PLXNA4: variants seen among roughly 807,000 people sequenced by gnomAD.
PLXNA4 encodes plexin A4.
PLXNA4 carries 44 observed loss-of-function variants against 191.8 expected under a neutral mutation model. That is an observed-to-expected ratio of 0.23 (90% CI 0.18 to 0.29). The LOEUF is 0.29. PLXNA4 is among the 10% of genes least tolerant of loss of function. The probability of loss-of-function intolerance (pLI) is 1.00; values close to 1 mark genes in which losing one functional copy is unlikely to be tolerated. For missense variants in PLXNA4, 1,800 were observed against 2,488.8 expected (o/e 0.72, Z 5.89); for synonymous variants, 1,082 against 1,009.5 (o/e 1.07, Z -1.36).
At chr7:132,287,296 A>G (rs1199311854) in intron 4 of PLXNA4, among the ~76,000 whole-genome samples, 1 of 152,230 alleles carries the variant, frequency 6.6e-6, no homozygotes, top group African/African-American at 2.4e-5. Context: ...TTGGTCTCCC[A>G]AAGTGCTAGG....
intron 3 of PLXNA4, among the ~76,000 whole-genome samples, chr7:132,342,861 C>T (rs1326674377): frequency 2.1e-5 from 3 of 145,448 alleles, no homozygotes; most frequent in Admixed American, 1.5e-4. Context: ...GAGGGAGAAT[C>T]GTTTGAATCC....
chr7:132,432,322 G>T (rs963180777), intron 3 of PLXNA4, among the ~76,000 whole-genome samples: 5 of 152,170 alleles, frequency 3.3e-5, no homozygotes, highest in African/African-American at 1.2e-4. Flanking sequence ...GTCCAAGAAA[G>T]CAGGAATGGG....
Position 132,507,578 on chromosome 7 carries a change from C to T in PLXNA4, c.1116G>A (p.Gln372=), listed in dbSNP as rs755660824. The T allele has an allele frequency of 6.2e-7, 1 of 1,614,166 alleles. No homozygotes were observed. The highest frequency in any genetic ancestry group is 8.5e-7 in the Non-Finnish European group (1 of 1,180,044). The change falls in exon 2 of 32, where the codon CAG becomes CAA. Residue 372 remains glutamine, a synonymous_variant. Transcript: ENST00000321063. ...QINDRIKERL[Q]SCYRGEGTLD... ...GCGTGCCCTCGCCCCGGTAACAAGA[C>T]TGCAGCCGCTCCTTAATGCGGTCAT...
rs77115992 is a variant in PLXNA4 at position 132,207,391 on chromosome 7, C to G, written c.2298+3552G>C. Among the ~76,000 whole-genome samples the G allele has an allele frequency of 8.5e-3, 1,295 of 152,368 alleles. 21 individuals carry two copies. Among genetic ancestry groups the G allele is most frequent in the African/African-American group, 0.03 (1,232 of 41,596 alleles). The stretch of plus-strand genomic sequence containing the variant: ...CCAGCCAGATGCCCTTTGCAGCCCC[C>G]TCACTGGCATGATTGGCAGCCTCCG... On this transcript the variant is annotated intron_variant, in intron 10 of 31. Transcript: ENST00000321063.
intron 1 of PLXNA4, among the ~76,000 whole-genome samples, chr7:132,540,733 G>A (rs926928221): frequency 3.3e-5 from 5 of 150,834 alleles, no homozygotes; most frequent in African/African-American, 4.9e-5. Context: ...GACTACAGGC[G>A]CCCGCCACCG....
chr7:132,375,815 G>C (rs1196789912), intron 3 of PLXNA4, among the ~76,000 whole-genome samples: 3 of 152,212 alleles, frequency 2.0e-5, no homozygotes, highest in African/African-American at 4.8e-5. Flanking sequence ...CATGGCATGT[G>C]GGGGAACAAA....
chr7:132,161,743 G>A (rs1218354702), intron 24 of PLXNA4, among the ~76,000 whole-genome samples: 1 of 152,126 alleles, frequency 6.6e-6, no homozygotes, highest in East Asian at 1.9e-4. Context: ...CAGGCTCCCG[G>A]GCGGGCACCT....
chr7:132,316,628 G>A (rs1378032938), intron 3 of PLXNA4, among the ~76,000 whole-genome samples: 1 of 152,196 alleles, frequency 6.6e-6, no homozygotes, highest in Non-Finnish European at 1.5e-5. Flanking sequence ...GGTTTGGGAA[G>A]TGTCCTTAGG....
intron 3 of PLXNA4, among the ~76,000 whole-genome samples, chr7:132,325,735 G>A (rs1366480041): frequency 2.6e-5 from 4 of 152,156 alleles, no homozygotes; most frequent in Non-Finnish European, 4.4e-5. Context: ...AGGACTGTGA[G>A]AGAATAAACT....
At chr7:132,493,450 T>G (rs1024858016) in intron 2 of PLXNA4, among the ~76,000 whole-genome samples, 1 of 152,210 alleles carries the variant, frequency 6.6e-6, no homozygotes, top group African/African-American at 2.4e-5. Context: ...TGGACAACCC[T>G]GTGGACAGAC....
intron 4 of PLXNA4, among the ~76,000 whole-genome samples, chr7:132,260,955 T>TGGGGAACGCTGTG (rs374399589): frequency 0.013 from 1,943 of 152,270 alleles, 40 homozygotes; most frequent in African/African-American, 0.044. Flanking sequence ...ATGTTGATAG[T>TGGGGAACGCTGTG]GGTGGACAGT....
chr7:132,594,149 C>T (rs1184646617), intron 2 of PLXNA4, among the ~76,000 whole-genome samples: 1 of 152,232 alleles, frequency 6.6e-6, no homozygotes, highest in Non-Finnish European at 1.5e-5. Flanking sequence ...GAATTAGGGA[C>T]ATTGTAGATG....
At chr7:132,324,879 G>C (rs1246065447) in intron 3 of PLXNA4, among the ~76,000 whole-genome samples, 1 of 152,268 alleles carries the variant, frequency 6.6e-6, no homozygotes, top group Admixed American at 6.5e-5. Flanking sequence ...TGACTGGAAA[G>C]GTATCTGAGT....
intron 2 of PLXNA4, among the ~76,000 whole-genome samples, chr7:132,608,766 G>A (rs1271276466): frequency 6.6e-6 from 1 of 151,976 alleles, no homozygotes; most frequent in Non-Finnish European, 1.5e-5. Context: ...ATTCTCCCTG[G>A]TGCAGCCAGA....
chr7:132,165,239 A>G, intron 22 of PLXNA4, 39 bp from the exon 23 acceptor site: 1 of 1,600,610 alleles, frequency 6.2e-7, no homozygotes, highest in South Asian at 1.1e-5. Flanking sequence ...GAACAAGACA[A>G]AGAAAGAAGC....
chr7:132,151,336 GAGGAGGAGGAGGAAGAAGA>G lies in PLXNA4; in HGVS notation c.4661-2709_4661-2691del, dbSNP rs1562884984. Among the ~76,000 whole-genome samples, 687 of 69,272 alleles carry G rather than the reference GAGGAGGAGGAGGAAGAAGA, an allele frequency of 9.9e-3. 12 individuals carry two copies. The highest frequency in any genetic ancestry group is 0.015 in the Non-Finnish European group (477 of 32,772). 45.4% of individuals were successfully genotyped at this position (69,272 alleles called of 152,430 possible). On this transcript the variant is annotated intron_variant, in intron 25 of 31. Transcript: ENST00000321063. ...AAGGAGGAGGAGGAGGAAGAAGAAG[GAGGAGGAGGAGGAAGAAGA>G]AGGAGGAGGAGGAGAAAGGAGGAGG...
intron 29 of PLXNA4, 48 bp from the exon 30 acceptor site, chr7:132,140,859 G>A: frequency 6.2e-7 from 1 of 1,606,440 alleles, no homozygotes; most frequent in Non-Finnish European, 8.5e-7. Flanking sequence ...GGGCAGTGGG[G>A]CTGTGGTGTG....
intron 3 of PLXNA4, among the ~76,000 whole-genome samples, chr7:132,316,502 T>TA (rs1801950005): frequency 1.3e-5 from 2 of 152,186 alleles, no homozygotes; most frequent in African/African-American, 4.8e-5. Context: ...TTTTAAAACA[T>TA]AGATTTAACC....
chr7:132,205,764 CAGTGG>C (rs1797596424), intron 10 of PLXNA4, among the ~76,000 whole-genome samples: 11 of 152,190 alleles, frequency 7.2e-5, no homozygotes, highest in Non-Finnish European at 2.9e-5. Flanking sequence ...GGGATGCTGA[CAGTGG>C]CTATGTCAAG....
Sources: gnomAD v4.1 joint callset for allele counts (sites outside exome capture counted in the v4.1 genomes callset) on GRCh38, gnomAD v4.1.1 for gene constraint, MANE v1.5 for transcripts, NCBI Gene and HGNC (gene_info 2026-07-23, HGNC 2026-07-21) for gene names.